The following GNG2 variants were observed in gnomAD, a reference collection of about 807,000 sequenced individuals.
GNG2 encodes G protein subunit gamma 2, also known as guanine nucleotide-binding protein G(I)/G(S)/G(O) subunit gamma-2.
GNG2 carries 5 observed loss-of-function variants against 5.5 expected under a neutral mutation model. The observed-to-expected ratio is 0.91, with a 90% confidence interval of 0.48 to 1.92. The LOEUF is 1.92. Among genes scored for constraint, GNG2 ranks in the 30% most tolerant of loss-of-function variants. The pLI is 0.01. For missense variants in GNG2, 55 were observed against 88.4 expected, an observed-to-expected ratio of 0.62 and a Z score of 1.52; for synonymous variants, 28 against 32.0, an observed-to-expected ratio of 0.88 and a Z score of 0.42.
chr14:51,852,707 T>G (rs1191463542), intron 2 of GNG2, among the ~76,000 whole-genome samples: 1 of 152,258 alleles, frequency 6.6e-6, no homozygotes, highest in Non-Finnish European at 1.5e-5. Context: ...GAAATTTCCC[T>G]GTGTAATCAT....
chr14:51,939,623 G>A (rs1312208777), intron 2 of GNG2, among the ~76,000 whole-genome samples: 2 of 152,184 alleles, frequency 1.3e-5, no homozygotes, highest in Non-Finnish European at 2.9e-5. Flanking sequence ...ACTTCCCAGT[G>A]AAACCGCATG....
chr14:51,856,283 A>C (rs1882155250), upstream of GNG2, among the ~76,000 whole-genome samples: 1 of 152,178 alleles, frequency 6.6e-6, no homozygotes, highest in South Asian at 2.1e-4. Context: ...GGGATTTGGC[A>C]TATGAGATGC....
At chr14:51,854,635 C>A (rs926486859) in intron 2 of GNG2, among the ~76,000 whole-genome samples, 14 of 152,190 alleles carry the variant, frequency 9.2e-5, no homozygotes, top group South Asian at 6.2e-4. Context: ...CTCAGCTCCC[C>A]CCGAGTAGCT....
chr14:51,829,353 A>T (rs8015770), intron 2 of GNG2, among the ~76,000 whole-genome samples: 61,530 of 151,916 alleles, frequency 0.41, 12,717 homozygotes, highest in Non-Finnish European at 0.43. Context: ...GCTATTGATC[A>T]TACCACCTTT....
chr14:51,838,443 CA>C (rs71121670), intron 2 of GNG2, among the ~76,000 whole-genome samples: 1,677 of 145,488 alleles, frequency 0.012, 21 homozygotes, highest in African/African-American at 0.035. Context: ...GACTCTGTCT[CA>C]AAAAAAAAAG....
At chr14:51,891,335 G>A (rs897285688) in intron 2 of GNG2, among the ~76,000 whole-genome samples, 12 of 152,164 alleles carry the variant, frequency 7.9e-5, no homozygotes, top group African/African-American at 2.7e-4. Context: ...GTCTTTCGTA[G>A]CTTCATAGGC....
intron 2 of GNG2, among the ~76,000 whole-genome samples, chr14:51,903,124 ATAG>A (rs1415555988): frequency 6.6e-6 from 1 of 152,244 alleles, no homozygotes; most frequent in Non-Finnish European, 1.5e-5. Context: ...GCTATTTATA[ATAG>A]TAAAAACTAC....
chr14:51,942,596 T>TCTCTC (rs375391064), intron 2 of GNG2, among the ~76,000 whole-genome samples: 2 of 137,802 alleles, frequency 1.5e-5, no homozygotes, highest in African/African-American at 5.5e-5. Context: ...TTTCTTTTTT[T>TCTCTC]TTTTTTTTTT....
intron 2 of GNG2, among the ~76,000 whole-genome samples, chr14:51,896,518 G>A (rs1042860357): frequency 6.6e-6 from 1 of 152,116 alleles, no homozygotes; most frequent in Non-Finnish European, 1.5e-5. Flanking sequence ...AAAACCAATA[G>A]CCTAAATGTT....
At chr14:51,958,345 G>A (rs1889386014) in intron 3 of GNG2, among the ~76,000 whole-genome samples, 2 of 146,134 alleles carry the variant, frequency 1.4e-5, no homozygotes, top group Admixed American at 6.8e-5. Context: ...TGCCAAATGT[G>A]CTCACTGCTG....
chr14:51,894,601 G>A (rs1225320415), intron 2 of GNG2, among the ~76,000 whole-genome samples: 2 of 152,076 alleles, frequency 1.3e-5, no homozygotes, highest in African/African-American at 4.8e-5. Flanking sequence ...CAGTCATGAT[G>A]TTAAGAGTAA....
At chr14:51,835,957 G>T (rs148936398) in intron 2 of GNG2, among the ~76,000 whole-genome samples, 54 of 151,938 alleles carry the variant, frequency 3.6e-4, no homozygotes, top group African/African-American at 1.2e-3. Context: ...AGGTGTCTTA[G>T]TTCGGGATGC....
chr14:51,869,405 C>T (rs1883152504), intron 1 of GNG2, among the ~76,000 whole-genome samples: 1 of 152,322 alleles, frequency 6.6e-6, no homozygotes, highest in South Asian at 2.1e-4. Flanking sequence ...GTGACACCTT[C>T]AGCAGGTTGA....
chr14:51,843,459 A>G (rs760637318), intron 2 of GNG2, among the ~76,000 whole-genome samples: 1 of 152,086 alleles, frequency 6.6e-6, no homozygotes, highest in South Asian at 2.1e-4. Context: ...TAGGACAAAC[A>G]CTTGATGCAT....
chr14:51,956,365 G>A (rs1889273352), intron 3 of GNG2, among the ~76,000 whole-genome samples: 1 of 152,094 alleles, frequency 6.6e-6, no homozygotes, highest in Non-Finnish European at 1.5e-5. Context: ...ATGGGGCAGG[G>A]GCAGCCTTGT....
chr14:51,923,226 G>A (rs976768719), intron 2 of GNG2, among the ~76,000 whole-genome samples: 1 of 152,144 alleles, frequency 6.6e-6, no homozygotes, highest in Non-Finnish European at 1.5e-5. Context: ...GGAACCTTCA[G>A]GATGGTGCCC....
intron 2 of GNG2, among the ~76,000 whole-genome samples, chr14:51,917,962 G>A (rs1358807535): frequency 4.0e-5 from 6 of 150,536 alleles, no homozygotes; most frequent in Non-Finnish European, 7.4e-5. Flanking sequence ...GAAAGTGGAG[G>A]TTGCACTGCG....
Position 51,845,311 on chromosome 14 carries a change from C to T in GNG2, c.64+17504C>T, listed in dbSNP as rs58979389. Among the ~76,000 whole-genome samples, 741 of 152,232 alleles carry T rather than the reference C, an allele frequency of 4.9e-3. 8 individuals carry two copies. Among genetic ancestry groups the T allele is most frequent in the African/African-American group, 0.017 (699 of 41,554 alleles). On this transcript the variant is annotated intron_variant, in intron 2 of 3. Transcript: ENST00000553432. ...TTTGAGACCAACCCGAGCAACACGG[C>T]GAAGCCCTATATCTACAAAAAAATA...
chr14:51,906,956 C>T (rs933689683), intron 2 of GNG2, among the ~76,000 whole-genome samples: 6 of 151,982 alleles, frequency 3.9e-5, no homozygotes, highest in Non-Finnish European at 7.4e-5. Flanking sequence ...GGGGTTTCAC[C>T]GTGTTAGCCA....
Sources: gnomAD v4.1 joint callset for allele counts (sites outside exome capture counted in the v4.1 genomes callset) on GRCh38, gnomAD v4.1.1 for gene constraint, MANE v1.5 for transcripts, NCBI Gene and HGNC (gene_info 2026-07-23, HGNC 2026-07-21) for gene names.